ANKRD13C: variants seen among roughly 807,000 people sequenced by gnomAD.
ANKRD13C encodes the protein ankyrin repeat domain 13C, also known as ankyrin repeat domain-containing protein 13C.
A neutral mutation model predicts 65.5 loss-of-function variants in ANKRD13C; 16 were observed. That is an observed-to-expected ratio of 0.24 (90% CI 0.17 to 0.37). The LOEUF (loss-of-function observed/expected upper bound fraction) is 0.37. Among genes scored for constraint, ANKRD13C ranks in the 10% least tolerant of loss-of-function variants. The pLI is 1.00. For synonymous variants in ANKRD13C, 235 were observed against 238.7 expected (o/e 0.98, Z 0.14); for missense variants, 503 against 655.9 (o/e 0.77, Z 2.55).
intron 2 of ANKRD13C, among the ~76,000 whole-genome samples, chr1:70,327,696 A>G (rs1219573602): frequency 6.6e-6 from 1 of 152,206 alleles, no homozygotes; most frequent in East Asian, 1.9e-4. Flanking sequence ...GTATTCTTAG[A>G]GGTGCATGCT....
chr1:70,340,480 C>G (rs1682259924), intron 1 of ANKRD13C, among the ~76,000 whole-genome samples: 1 of 152,028 alleles, frequency 6.6e-6, no homozygotes, highest in Admixed American at 6.6e-5. Context: ...TAAATGCTGT[C>G]TATATCCTTG....
At chr1:70,269,021 C>A (rs936490108) in intron 12 of ANKRD13C, among the ~76,000 whole-genome samples, 1 of 150,538 alleles carries the variant, frequency 6.6e-6, no homozygotes, top group Admixed American at 6.6e-5. Flanking sequence ...GTATATCTCC[C>A]AATGCTATCC....
chr1:70,316,373 T>TC (rs374918878), intron 3 of ANKRD13C, among the ~76,000 whole-genome samples: 3 of 152,122 alleles, frequency 2.0e-5, no homozygotes, highest in African/African-American at 7.2e-5. Context: ...CCTTTTTTTT[T>TC]CCTCTCCTTT....
At chr1:70,334,039 T>G (rs544788223) in intron 2 of ANKRD13C, among the ~76,000 whole-genome samples, 1 of 152,268 alleles carries the variant, frequency 6.6e-6, no homozygotes, top group South Asian at 2.1e-4. Flanking sequence ...AAATAAAAAT[T>G]AAGGTCAGGC....
intron 9 of ANKRD13C, among the ~76,000 whole-genome samples, chr1:70,278,716 A>C (rs1679251882): frequency 6.6e-6 from 1 of 152,212 alleles, no homozygotes; most frequent in Non-Finnish European, 1.5e-5. Flanking sequence ...GATGTTAATG[A>C]GCCATATATT....
At chr1:70,353,949 G>T (rs1366679357) in intron 1 of ANKRD13C, 30 bp downstream of exon 1, 2 of 1,490,126 alleles carry the variant, frequency 1.3e-6, no homozygotes, top group Admixed American at 4.8e-5. Context: ...CGGGGAAGGA[G>T]AGAGGTGGAG....
At chr1:70,326,657 G>GTTTAC (rs58872828) in intron 2 of ANKRD13C, among the ~76,000 whole-genome samples, 1 of 151,324 alleles carries the variant, frequency 6.6e-6, no homozygotes, top group East Asian at 1.9e-4. Flanking sequence ...GTACATGAAT[G>GTTTAC]TTTAATGTTG....
intron 12 of ANKRD13C, among the ~76,000 whole-genome samples, chr1:70,263,810 T>C (rs1031343585): frequency 2.0e-5 from 3 of 152,086 alleles, no homozygotes; most frequent in Non-Finnish European, 4.4e-5. Flanking sequence ...TAATAAATCA[T>C]TTTTAAAAAA....
chr1:70,334,800 G>A (rs943162255), intron 2 of ANKRD13C, among the ~76,000 whole-genome samples: 24 of 152,040 alleles, frequency 1.6e-4, no homozygotes, highest in East Asian at 1.9e-4. Flanking sequence ...CAGCTACTCC[G>A]GAGGCTGAGG....
intron 1 of ANKRD13C, among the ~76,000 whole-genome samples, chr1:70,340,594 G>A (rs1558312704): frequency 6.6e-6 from 1 of 152,048 alleles, no homozygotes; most frequent in Non-Finnish European, 1.5e-5. Context: ...ATTTGTTGTT[G>A]TTGTTATTGT....
At chr1:70,301,313 T>C (rs1221189771) in intron 6 of ANKRD13C, among the ~76,000 whole-genome samples, 1 of 152,118 alleles carries the variant, frequency 6.6e-6, no homozygotes, top group African/African-American at 2.4e-5. Context: ...CCATTTCCCT[T>C]ACTGTAGCTA....
chr1:70,307,216 A>G (rs1052300588), intron 5 of ANKRD13C, among the ~76,000 whole-genome samples: 2 of 152,236 alleles, frequency 1.3e-5, no homozygotes, highest in Non-Finnish European at 2.9e-5. Flanking sequence ...AAAAGCATCA[A>G]CATTTTCTAA....
intron 2 of ANKRD13C, among the ~76,000 whole-genome samples, chr1:70,329,146 A>C (rs1326308764): frequency 6.6e-6 from 1 of 152,210 alleles, no homozygotes; most frequent in Non-Finnish European, 1.5e-5. Flanking sequence ...TCAAGAAAAA[A>C]AAAGTAGAGA....
chr1:70,262,661 T>C lies in ANKRD13C; in HGVS notation c.*56A>G. The C allele has an allele frequency of 1.3e-6, 2 of 1,574,340 alleles. No individual in the cohort carries two copies. The highest frequency in any genetic ancestry group is 1.2e-5 in the South Asian group (1 of 84,918). Reference sequence around the variant, plus strand: ...ATTTGTCCCTTCTATTTGGATCCACTTCTAGGGTCTCTGTATTTTCTTTCC... The same window carrying C: ...ATTTGTCCCTTCTATTTGGATCCACCTCTAGGGTCTCTGTATTTTCTTTCC... On this transcript the variant is annotated 3_prime_UTR_variant, in exon 13 of 13. Transcript: ENST00000370944.
chr1:70,327,876 C>T (rs1681610145), intron 2 of ANKRD13C, among the ~76,000 whole-genome samples: 1 of 151,914 alleles, frequency 6.6e-6, no homozygotes, highest in South Asian at 2.1e-4. Context: ...ACCAACGTGG[C>T]CAACATGGTG....
intron 9 of ANKRD13C, among the ~76,000 whole-genome samples, chr1:70,286,218 T>A (rs1329781147): frequency 6.6e-5 from 10 of 152,188 alleles, no homozygotes; most frequent in Non-Finnish European, 1.5e-4. Flanking sequence ...AGAATTACTA[T>A]TAATATTTTC....
At chr1:70,264,106 T>G (rs1572007270) in intron 12 of ANKRD13C, among the ~76,000 whole-genome samples, 2 of 152,192 alleles carry the variant, frequency 1.3e-5, no homozygotes, top group African/African-American at 4.8e-5. Context: ...CCAGGCCTAT[T>G]TTGGTAGGGC....
chr1:70,281,489 A>C (rs1679387049), intron 9 of ANKRD13C, among the ~76,000 whole-genome samples: 1 of 144,514 alleles, frequency 6.9e-6, no homozygotes, highest in Non-Finnish European at 1.5e-5. Flanking sequence ...TGCAGCCATG[A>C]CCTCCTGGAC....
intron 2 of ANKRD13C, among the ~76,000 whole-genome samples, chr1:70,327,969 G>A (rs891256130): frequency 6.6e-6 from 1 of 152,116 alleles, no homozygotes; most frequent in African/African-American, 2.4e-5. Flanking sequence ...GGAGGCTGAG[G>A]CAGGAGAGCT....
Sources: gnomAD v4.1 joint callset for allele counts (sites outside exome capture counted in the v4.1 genomes callset) on GRCh38, gnomAD v4.1.1 for gene constraint, MANE v1.5 for transcripts, NCBI Gene and HGNC (gene_info 2026-07-23, HGNC 2026-07-21) for gene names.